Variants in DNAH5 observed in about 807,000 individuals in gnomAD.
DNAH5 encodes dynein axonemal heavy chain 5, also known as axonemal beta dynein heavy chain 5.
A neutral mutation model predicts 518.2 loss-of-function variants in DNAH5; 372 were observed. The ratio of observed to expected loss-of-function variants is 0.72; its 90% CI spans 0.66 to 0.78. DNAH5 has a LOEUF of 0.78. Ranked by LOEUF, DNAH5 falls within the 30% of genes least tolerant of loss-of-function variation. The probability of loss-of-function intolerance (pLI) is 0.00; values close to 1 mark genes in which losing one functional copy is unlikely to be tolerated. For synonymous variants in DNAH5, 2,039 were observed against 2,025.9 expected, an observed-to-expected ratio of 1.01 and a Z score of -0.17; for missense variants, 5,523 against 5,687.0, an observed-to-expected ratio of 0.97 and a Z score of 0.93.
chr5:13,815,539 G>A (rs1761342971), intron 42 of DNAH5, among the ~76,000 whole-genome samples: 1 of 152,150 alleles, frequency 6.6e-6, no homozygotes, highest in Non-Finnish European at 1.5e-5. Flanking sequence ...CCCAGAACCC[G>A]ACCATGCTGG....
rs1778050911 is a variant in DNAH5, at chr5:13,927,950, G to A, written c.277+144C>T. The A allele has an allele frequency of 4.4e-6, 3 of 677,156 alleles. No individual in the cohort carries two copies. The South Asian group carries it at 5.0e-5, about 11-fold the overall frequency. 41.9% of individuals were successfully genotyped at this position (677,156 alleles called of 1,614,324 possible). A position where few individuals can be genotyped will look rare whatever the true frequency, so the allele number is the denominator to read the frequency against. The stretch of plus-strand genomic sequence containing the variant: ...CAGGGCCACACCCTACACACTAATG[G>A]TTTCCCACATGGACCCACACACGCA... On this transcript the variant is annotated intron_variant, in intron 3 of 78. Coordinates refer to ENST00000265104, the MANE Select transcript of DNAH5 (RefSeq NM_001369.3).
intron 78 of DNAH5, 136 bp downstream of exon 78, chr5:13,700,504 A>G (rs963291171): frequency 8.4e-6 from 7 of 832,466 alleles, no homozygotes; most frequent in Non-Finnish European, 1.4e-5. Flanking sequence ...CCCATTAAAC[A>G]TGGGTGTGAA....
intron 67 of DNAH5, 70 bp from the exon 68 acceptor site, chr5:13,735,391 T>G (rs1747242216): frequency 1.4e-6 from 2 of 1,445,444 alleles, no homozygotes; most frequent in South Asian, 2.4e-5. Flanking sequence ...AACAATTGTC[T>G]TTAATGGAAA....
chr5:13,809,206 T>C lies in DNAH5; in HGVS notation c.7610-20A>G. 3 of 1,613,794 alleles carry C rather than the reference T, an allele frequency of 1.9e-6. No homozygotes were observed. The highest frequency in any genetic ancestry group is 1.7e-6 in the Non-Finnish European group (2 of 1,179,772). ...ATGTACCTAAGGTGAGCAGAGGACA[T>C]TTCCATCTCCATATTAATAATTCAA... is the stretch of plus-strand genomic sequence containing the variant. On this transcript the variant is annotated intron_variant, in intron 45 of 78. Transcript: ENST00000265104.
intron 31 of DNAH5, among the ~76,000 whole-genome samples, chr5:13,846,503 C>G (rs776609848): frequency 6.6e-6 from 1 of 152,110 alleles, no homozygotes. Flanking sequence ...GGACAGTTCA[C>G]GATTCGTCAA....
chr5:13,823,519 T>C (rs1762495530), intron 39 of DNAH5, 149 bp from the exon 40 acceptor site: 1 of 636,952 alleles, frequency 1.6e-6, no homozygotes, highest in Non-Finnish European at 2.8e-6. Context: ...TAAGAAACAT[T>C]TTCCTCATCT....
intron 31 of DNAH5, among the ~76,000 whole-genome samples, chr5:13,846,311 G>C (rs1357745386): frequency 1.3e-5 from 2 of 152,060 alleles, no homozygotes; most frequent in Non-Finnish European, 2.9e-5. Context: ...GTAGACCCCA[G>C]TGTTTGTTGT....
Position 13,866,246 on chromosome 5 carries a change from C to A in DNAH5, c.4090G>T (p.Ala1364Ser). Residue 1364 changes from alanine (A) to serine (S), a missense_variant, in exon 26 of 79, where the codon GCC becomes TCC. Physicochemically the swap from Ala to Ser is moderately conservative, Grantham distance 99. This residue lies in a region of DNAH5 where 5,121 missense variants were observed against 5,223.3 expected (regional missense o/e 0.98). Coordinates refer to ENST00000265104, the MANE Select transcript of DNAH5 (RefSeq NM_001369.3). ...TGAAACATGATAAGCCTGTCACTGG[C>A]TTCCTGGGGCTTCAAGCCGCTAGCC... is the stretch of plus-strand genomic sequence containing the variant. ...PMASGLKPQE[A>S]SDRLIMFQNQ... The A allele has an allele frequency of 6.2e-7, 1 of 1,613,306 alleles. No individual in the cohort carries two copies. Among genetic ancestry groups the A allele is most frequent in the Non-Finnish European group, 8.5e-7 (1 of 1,179,758 alleles).
At chr5:13,949,749 G>C (rs1780232284) in intron 1 of DNAH5, among the ~76,000 whole-genome samples, 1 of 152,194 alleles carries the variant, frequency 6.6e-6, no homozygotes. Flanking sequence ...GGAATATTGG[G>C]CACTAACGGA....
intron 46 of DNAH5, among the ~76,000 whole-genome samples, chr5:13,808,742 G>A (rs559831029): frequency 2.0e-5 from 3 of 151,884 alleles, no homozygotes; most frequent in African/African-American, 4.8e-5. Context: ...GGCGGATCAC[G>A]AGGTCAGGAG....
chr5:14,010,256 C>T (rs1785019372), intron 1 of DNAH5, among the ~76,000 whole-genome samples: 1 of 152,002 alleles, frequency 6.6e-6, no homozygotes, highest in Admixed American at 6.6e-5. Flanking sequence ...TCCTAGTTTA[C>T]TATGGAAGTT....
chr5:13,695,776 AT>A (rs1741290692), intron 78 of DNAH5, among the ~76,000 whole-genome samples: 1 of 152,126 alleles, frequency 6.6e-6, no homozygotes, highest in Non-Finnish European at 1.5e-5. Flanking sequence ...TAAGATAGAG[AT>A]GTTATTCGAC....
At chr5:13,839,054 C>A (rs1764803631) in intron 35 of DNAH5, among the ~76,000 whole-genome samples, 1 of 152,022 alleles carries the variant, frequency 6.6e-6, no homozygotes, top group African/African-American at 2.4e-5. Context: ...CCGCAAGGCC[C>A]ACTGTGATTT....
rs148467464 is a variant in DNAH5, at chr5:13,690,865, A to T, written c.*1119T>A. The T allele has an allele frequency of 6.6e-6, 1 of 151,978 alleles. No individual in the cohort carries two copies. The highest frequency in any genetic ancestry group is 1.5e-5 in the Non-Finnish European group (1 of 67,974). 9.4% of individuals were successfully genotyped at this position (151,978 alleles called of 1,614,324 possible). On this transcript the variant is annotated 3_prime_UTR_variant, in exon 79 of 79. Coordinates refer to ENST00000265104, the MANE Select transcript of DNAH5 (RefSeq NM_001369.3). ...TACCCTTTTTTTATTTTTTCTCCTG[A>T]TCATCACATTTTTTCAAGCCAACTA...
chr5:13,691,277 T>A lies in DNAH5; in HGVS notation c.*707A>T, dbSNP rs1016690439. ...TTAATCATTTTACAAAAAGGTTGGG[T>A]TGATTTACATTGCTCCAGCAATTTG... On this transcript the variant is annotated 3_prime_UTR_variant, in exon 79 of 79. Transcript: ENST00000265104. The A allele has an allele frequency of 2.6e-5, 4 of 152,210 alleles. No homozygotes were observed. The highest frequency in any genetic ancestry group is 4.8e-5 in the African/African-American group (2 of 41,462). 9.4% of individuals were successfully genotyped at this position (152,210 alleles called of 1,614,324 possible).
At position 13,752,384 on chromosome 5, in the gene DNAH5, T is replaced by G. The variant is rs1750365458; in HGVS notation, c.10873-95A>C. On this transcript the variant is annotated intron_variant, in intron 63 of 78. Transcript: ENST00000265104. ...TCAAATGAAGCCTAAAGCATTCTACTGCAAGAGACAAATACAAATTGAGCA... is the reference window on the plus strand; with the variant it reads ...TCAAATGAAGCCTAAAGCATTCTACGGCAAGAGACAAATACAAATTGAGCA... 9 of 1,387,936 alleles carry G rather than the reference T, an allele frequency of 6.5e-6. No individual in the cohort carries two copies. The Admixed American group carries it at 1.5e-4, about 24-fold the overall frequency. 86.0% of individuals were successfully genotyped at this position (1,387,936 alleles called of 1,614,324 possible).
intron 75 of DNAH5, 149 bp downstream of exon 75, chr5:13,714,256 C>CT: frequency 4.9e-6 from 4 of 821,294 alleles, no homozygotes; most frequent in African/African-American, 1.7e-5. Flanking sequence ...GCAAAAACTT[C>CT]TTTTTCTGGT....
Position 13,919,167 on chromosome 5 carries a change from G to A in DNAH5, c.975+9C>T, listed in dbSNP as rs756706408. 2 of 1,613,728 alleles carry A rather than the reference G, an allele frequency of 1.2e-6. No individual in the cohort carries two copies. The highest frequency in any genetic ancestry group is 2.7e-5 in the African/African-American group (2 of 74,884). On this transcript the variant is annotated intron_variant, in intron 7 of 78. Transcript: ENST00000265104. Reference sequence around the variant, plus strand: ...CCATTTCACAAGGCAAAATGAAATGGCTGACGACCTTCAGCAGTTTCGACT... The same window carrying A: ...CCATTTCACAAGGCAAAATGAAATGACTGACGACCTTCAGCAGTTTCGACT...
At chr5:13,842,433 A>ACGAGAGAGAGAGAGAGAGAGAG (rs1561407131) in intron 32 of DNAH5, among the ~76,000 whole-genome samples, 1 of 61,864 alleles carries the variant, frequency 1.6e-5, no homozygotes, top group Non-Finnish European at 3.4e-5. Context: ...AAAAGAAAGA[A>ACGAGAGAGAGAGAGAGAGAGAG]AGAAAGAAAG....
Sources: allele counts gnomAD v4.1 joint callset (sites outside exome capture counted in the v4.1 genomes callset), GRCh38; gene constraint gnomAD v4.1.1; regional missense constraint gnomAD v4.1.1; transcripts MANE v1.5; gene names NCBI Gene and HGNC (gene_info 2026-07-23, HGNC 2026-07-21).